IQSEC2: variants seen among roughly 807,000 people sequenced by gnomAD.
IQSEC2 encodes the protein IQ motif and Sec7 domain ArfGEF 2, also known as IQ motif and SEC7 domain-containing protein 2.
In IQSEC2, 6 loss-of-function variants were observed where a neutral mutation model predicts 74.6. That is an observed-to-expected ratio of 0.08 (90% CI 0.04 to 0.16). IQSEC2 has a LOEUF of 0.16. Ranked by LOEUF, IQSEC2 falls within the 10% of genes least tolerant of loss-of-function variation. The pLI, the probability that IQSEC2 is intolerant of heterozygous loss-of-function variation, is 1.00. For missense variants in IQSEC2, 734 were observed against 1,306.2 expected (o/e 0.56, Z 6.75); for synonymous variants, 494 against 544.5 (o/e 0.91, Z 1.29).
At chrX:53,237,262 C>G (rs1051423162) in intron 12 of IQSEC2, among the ~76,000 whole-genome samples, 2 of 111,473 alleles carry the variant, frequency 1.8e-5, no homozygotes, top group Non-Finnish European at 3.8e-5. Context: ...CACCTCCCCA[C>G]GGAGCTCATA....
intron 2 of IQSEC2, chrX:53,281,562 C>A (rs368167417): frequency 1.7e-6 from 2 of 1,146,016 alleles, no homozygotes; most frequent in East Asian, 3.4e-5. Context: ...CTGGCCTAGC[C>A]GGTGTCTCCA....
At chrX:53,257,399 G>A (rs782777545) in intron 2 of IQSEC2, among the ~76,000 whole-genome samples, 3 of 112,300 alleles carry the variant, frequency 2.7e-5, no homozygotes, top group African/African-American at 6.5e-5. Flanking sequence ...GCTCGGCTCC[G>A]CCCTGGGGAG....
In IQSEC2 at chrX:53,307,295, C is replaced by CTT. The variant is rs60909741; in HGVS notation, c.707+13120_707+13121dup. Among the ~76,000 whole-genome samples the CTT allele has an allele frequency of 3.1e-3, 173 of 55,908 alleles. 1 individual carries two copies. Among genetic ancestry groups the CTT allele is most frequent in the African/African-American group, 7.6e-3 (144 of 18,931 alleles). The allele number at this position is 55,908 out of a possible 115,157, so 48.5% of individuals were successfully genotyped here. A position where few individuals can be genotyped will look rare whatever the true frequency, so the allele number is the denominator to read the frequency against. On this transcript the variant is annotated intron_variant, in intron 1 of 14. Coordinates refer to ENST00000642864, the MANE Select transcript of IQSEC2 (RefSeq NM_001111125.3). ...TCTTTTTCTTTTTCTTTCTTTCTTT[C>CTT]TTTTTTTTTTTTTTTTTTTGTAGAG...
At chrX:53,247,237 AC>A in intron 7 of IQSEC2, 102 bp from the exon 8 acceptor site, 4 of 804,448 alleles carry the variant, frequency 5.0e-6, no homozygotes, top group Non-Finnish European at 7.3e-6. Context: ...TGCAAGAAAT[AC>A]TTTCTTGATC....
intron 1 of IQSEC2, among the ~76,000 whole-genome samples, chrX:53,319,249 G>A (rs981039887): frequency 8.9e-6 from 1 of 112,513 alleles, no homozygotes; most frequent in Non-Finnish European, 1.9e-5. Flanking sequence ...AGCAGTGAGA[G>A]GAGGGGGAAG....
chrX:53,314,622 T>C (rs1045153946), intron 1 of IQSEC2, among the ~76,000 whole-genome samples: 2 of 111,381 alleles, frequency 1.8e-5, no homozygotes, highest in East Asian at 2.8e-4. Flanking sequence ...AAGGCCTGAG[T>C]GGGCTAACCA....
intron 1 of IQSEC2, among the ~76,000 whole-genome samples, chrX:53,316,147 G>A (rs781980400): frequency 8.9e-6 from 1 of 112,179 alleles, no homozygotes; most frequent in East Asian, 2.8e-4. Flanking sequence ...CGCTAAGAGT[G>A]CAGTGTTTGC....
At position 53,235,199 on chromosome X, in the gene IQSEC2, G is replaced by A. The variant is rs1299191132; in HGVS notation, c.3502-15C>T. ...ATAACAGACCCCTGGAAGCGGGGAGGGGGGAAGTCAGGCCAGGCTAGATGC... is the reference window on the plus strand; with the variant it reads ...ATAACAGACCCCTGGAAGCGGGGAGAGGGGAAGTCAGGCCAGGCTAGATGC... On this transcript the variant is annotated splice_polypyrimidine_tract_variant and intron_variant, in intron 14 of 14. Coordinates refer to ENST00000642864, the MANE Select transcript of IQSEC2 (RefSeq NM_001111125.3). 6.9e-6 allele frequency: 8 copies of A among 1,162,747 alleles called. No homozygotes were observed. Among genetic ancestry groups the A allele is most frequent in the Middle Eastern group, 6.5e-4 (2 of 3,086 alleles).
chrX:53,234,313 TGGGGGGAGGTGGGTGGAA>T lies in IQSEC2; in HGVS notation c.4355_4372del (p.Leu1452_Pro1457del). The T allele has an allele frequency of 3.6e-6, 1 of 275,415 alleles. No individual in the cohort carries two copies. The highest frequency in any genetic ancestry group is 5.7e-5 in the African/African-American group (1 of 17,440). The allele number at this position is 275,415 out of a possible 1,213,427, so 22.7% of individuals were successfully genotyped here. A position where few individuals can be genotyped will look rare whatever the true frequency, so the allele number is the denominator to read the frequency against. ...GGGCCCAGAGGCGTGCAGCGGGCCATGGGGGGAGGTGGGTGGAAGGGGTGAGTGCGGGGTGTGAGGGGA... is the reference window on the plus strand; with the variant it reads ...GGGCCCAGAGGCGTGCAGCGGGCCATGGGGTGAGTGCGGGGTGTGAGGGGA... On this transcript the variant is annotated inframe_deletion, in exon 15 of 15. Transcript: ENST00000642864.
Position 53,247,131 on chromosome X carries a change from G to T in IQSEC2, c.2587C>A (p.Arg863=). 1 of 1,209,138 alleles carries T rather than the reference G, an allele frequency of 8.3e-7. No individual in the cohort carries two copies. Among genetic ancestry groups the T allele is most frequent in the Non-Finnish European group, 1.1e-6 (1 of 894,183 alleles). The change falls in exon 8 of 15, where the codon CGG becomes AGG. Residue 863 remains arginine, a synonymous_variant. Transcript: ENST00000642864. ...AGGGCTGGGTTACAGACACAGTACCGCTGGCTGCAGGGCAGGAGGGGTCAA... is the reference window on the plus strand; with the variant it reads ...AGGGCTGGGTTACAGACACAGTACCTCTGGCTGCAGGGCAGGAGGGGTCAA... ...VERLIEAFSQ[R]YCVCNPALVR... is the part of the protein sequence containing the mutation.
chrX:53,295,535 C>T (rs982846691), intron 1 of IQSEC2, among the ~76,000 whole-genome samples: 166 of 96,983 alleles, frequency 1.7e-3, no homozygotes, highest in African/African-American at 6.3e-3. Flanking sequence ...ACCCAGAACG[C>T]AGAGCTTGCA....
At chrX:53,247,352 G>A (rs1162455503) in intron 7 of IQSEC2, among the ~76,000 whole-genome samples, 2 of 112,412 alleles carry the variant, frequency 1.8e-5, no homozygotes, top group South Asian at 3.7e-4. Flanking sequence ...GTTGTTTCAC[G>A]TAATCCTATC....
At chrX:53,292,271 T>C (rs1193832014) in intron 1 of IQSEC2, among the ~76,000 whole-genome samples, 1 of 111,621 alleles carries the variant, frequency 9.0e-6, no homozygotes, top group Non-Finnish European at 1.9e-5. Context: ...CCAGCAGCCG[T>C]GGGCAGGGGC....
intron 1 of IQSEC2, among the ~76,000 whole-genome samples, chrX:53,299,879 T>C (rs1440911248): frequency 9.0e-6 from 1 of 110,939 alleles, no homozygotes; most frequent in Non-Finnish European, 1.9e-5. Flanking sequence ...GCCTCCTGAG[T>C]AGCTAGAACC....
intron 1 of IQSEC2, among the ~76,000 whole-genome samples, chrX:53,293,516 A>G (rs1429787654): frequency 8.9e-6 from 1 of 112,042 alleles, no homozygotes; most frequent in Non-Finnish European, 1.9e-5. Flanking sequence ...ATTGCTTCTG[A>G]GGCCTGGCCC....
chrX:53,261,472 G>A (rs1556866519), intron 2 of IQSEC2, among the ~76,000 whole-genome samples: 1 of 99,407 alleles, frequency 1.0e-5, no homozygotes, highest in Non-Finnish European at 2.0e-5. Context: ...TTCCCAGCCA[G>A]GAGCAAAACA....
intron 2 of IQSEC2, chrX:53,279,455 C>A (rs982937406): frequency 4.1e-6 from 2 of 487,256 alleles, no homozygotes; most frequent in East Asian, 6.9e-5. Flanking sequence ...CTCGGACACC[C>A]ATTCCACAGG....
At chrX:53,284,357 T>C in intron 2 of IQSEC2, among the ~76,000 whole-genome samples, 1 of 108,630 alleles carries the variant, frequency 9.2e-6, no homozygotes, top group East Asian at 2.9e-4. Context: ...GTCTCAGCCT[T>C]CCCCCCACCT....
chrX:53,247,803 G>A (rs959927051), intron 7 of IQSEC2, among the ~76,000 whole-genome samples: 12 of 112,133 alleles, frequency 1.1e-4, no homozygotes, highest in African/African-American at 3.9e-4. Flanking sequence ...TTTATGGGGT[G>A]GTTGTGATTA....
Sources: gnomAD v4.1 joint callset for allele counts (sites outside exome capture counted in the v4.1 genomes callset) on GRCh38, gnomAD v4.1.1 for gene constraint, MANE v1.5 for transcripts, NCBI Gene and HGNC (gene_info 2026-07-23, HGNC 2026-07-21) for gene names.